The following THEMIS variants were observed in gnomAD, a reference collection of about 807,000 sequenced individuals.
THEMIS encodes the protein protein THEMIS.
A neutral mutation model predicts 52.6 loss-of-function variants in THEMIS; 37 were observed. That is an observed-to-expected ratio of 0.70 (90% confidence interval 0.54 to 0.93). THEMIS has a LOEUF of 0.93. Among genes scored for constraint, THEMIS ranks in the 40% least tolerant of loss-of-function variants. The pLI, the probability that THEMIS is intolerant of heterozygous loss-of-function variation, is 0.00. For missense variants in THEMIS, 808 were observed against 763.1 expected, an observed-to-expected ratio of 1.06 and a Z score of -0.69; for synonymous variants, 292 against 272.7, an observed-to-expected ratio of 1.07 and a Z score of -0.70.
chr6:127,732,006 A>ATT lies in THEMIS; in HGVS notation c.1759-12185_1759-12184dup, dbSNP rs60832949. ...CAAGCGTGAGCCACCTTGCCTGGCCATTTTTTTTTTTAACTCGTAAGAGTT... is the reference window on the plus strand; with the variant it reads ...CAAGCGTGAGCCACCTTGCCTGGCCATTTTTTTTTTTTTAACTCGTAAGAGTT... On this transcript the variant is annotated intron_variant, in intron 4 of 5. Transcript: ENST00000368248. 2.8e-3 allele frequency among the ~76,000 whole-genome samples: 395 copies of ATT among 142,188 alleles called. 1 individual carries two copies. The highest frequency in any genetic ancestry group is 9.4e-3 in the African/African-American group (364 of 38,800). The allele number at this position is 142,188 out of a possible 152,430, so 93.3% of individuals were successfully genotyped here.
intron 4 of THEMIS, among the ~76,000 whole-genome samples, chr6:127,731,728 C>A (rs1248547305): frequency 7.5e-6 from 1 of 133,626 alleles, no homozygotes; most frequent in Non-Finnish European, 1.5e-5. Flanking sequence ...GATGGAGTCT[C>A]GCTCTGTCGC....
intron 1 of THEMIS, among the ~76,000 whole-genome samples, chr6:127,908,717 C>T (rs1360079249): frequency 6.6e-6 from 1 of 152,052 alleles, no homozygotes; most frequent in Admixed American, 6.6e-5. Flanking sequence ...TAACATTTTC[C>T]TCTGACTTTT....
At chr6:127,888,918 A>T (rs545561428) in intron 1 of THEMIS, among the ~76,000 whole-genome samples, 1 of 152,192 alleles carries the variant, frequency 6.6e-6, no homozygotes, top group East Asian at 1.9e-4. Flanking sequence ...CTGGTTTTGA[A>T]TTTTTTGAAG....
intron 4 of THEMIS, among the ~76,000 whole-genome samples, chr6:127,790,343 T>A (rs940097939): frequency 2.5e-4 from 38 of 152,334 alleles, no homozygotes; most frequent in African/African-American, 8.9e-4. Context: ...ACACAATTGT[T>A]GAATGAAAAT....
At chr6:127,882,863 C>A (rs1232114155) in intron 1 of THEMIS, among the ~76,000 whole-genome samples, 1 of 151,794 alleles carries the variant, frequency 6.6e-6, no homozygotes, top group East Asian at 1.9e-4. Context: ...TTTATTTGAG[C>A]CCGAAAAAAT....
intron 2 of THEMIS, among the ~76,000 whole-genome samples, chr6:127,834,401 G>C (rs1477610434): frequency 3.8e-5 from 5 of 130,264 alleles, no homozygotes; most frequent in Non-Finnish European, 7.9e-5. Context: ...ATGAAACCCC[G>C]TCTCCACTAA....
Position 127,813,588 on chromosome 6 carries a change from C to T in THEMIS, c.1053G>A (p.Thr351=), listed in dbSNP as rs1778014125. The change falls in exon 4 of 6, where the codon ACG becomes ACA. Residue 351 remains threonine (T), a synonymous_variant. Transcript: ENST00000368248. ...KFKRRPREFP[T]AYDLEIAKSE... Reference sequence around the variant, plus strand: ...TCTTAGCGATCTCTAGGTCATAGGCCGTTGGGAACTCCCTCGGTCGCCGCT... The same window carrying T: ...TCTTAGCGATCTCTAGGTCATAGGCTGTTGGGAACTCCCTCGGTCGCCGCT... The T allele has an allele frequency of 1.2e-6, 2 of 1,614,028 alleles. No homozygotes were observed. The highest frequency in any genetic ancestry group is 4.5e-5 in the East Asian group (2 of 44,874).
intron 1 of THEMIS, among the ~76,000 whole-genome samples, chr6:127,878,076 T>G (rs1780368708): frequency 6.6e-6 from 1 of 152,198 alleles, no homozygotes; most frequent in Non-Finnish European, 1.5e-5. Flanking sequence ...ATGCTTTTGT[T>G]TCCTATTAAT....
intron 2 of THEMIS, among the ~76,000 whole-genome samples, chr6:127,831,076 T>C (rs1778686024): frequency 6.6e-6 from 1 of 152,194 alleles, no homozygotes; most frequent in African/African-American, 2.4e-5. Context: ...TATATGTCAA[T>C]TGTTCTTCTC....
chr6:127,800,948 A>G (rs1286629515), intron 4 of THEMIS, among the ~76,000 whole-genome samples: 1 of 152,190 alleles, frequency 6.6e-6, no homozygotes, highest in Non-Finnish European at 1.5e-5. Context: ...GTGGTTCTAG[A>G]GGAAGAGGAA....
chr6:127,851,648 C>T (rs940401715), intron 2 of THEMIS, among the ~76,000 whole-genome samples: 9 of 151,778 alleles, frequency 5.9e-5, no homozygotes, highest in Non-Finnish European at 7.4e-5. Flanking sequence ...ATACCATAGG[C>T]GTCTACTTAT....
chr6:127,798,865 G>A (rs1268936614), intron 4 of THEMIS, among the ~76,000 whole-genome samples: 3 of 151,442 alleles, frequency 2.0e-5, no homozygotes, highest in South Asian at 4.2e-4. Flanking sequence ...GGTGGCGGGC[G>A]CCTGTAGTCC....
intron 4 of THEMIS, among the ~76,000 whole-genome samples, chr6:127,720,169 C>T (rs1774315324): frequency 6.6e-6 from 1 of 151,850 alleles, no homozygotes; most frequent in Admixed American, 6.6e-5. Flanking sequence ...TCCAGCACTT[C>T]ATTATATATT....
chr6:127,761,463 T>C (rs1776018542), intron 4 of THEMIS, among the ~76,000 whole-genome samples: 1 of 152,176 alleles, frequency 6.6e-6, no homozygotes, highest in East Asian at 1.9e-4. Context: ...GAAGATAGAC[T>C]TGAACTTCAA....
intron 4 of THEMIS, among the ~76,000 whole-genome samples, chr6:127,746,325 T>C (rs957067460): frequency 6.6e-6 from 1 of 151,744 alleles, no homozygotes; most frequent in Non-Finnish European, 1.5e-5. Context: ...AATCAGGGAT[T>C]CTATACTACT....
chr6:127,813,478 T>C lies in THEMIS; in HGVS notation c.1163A>G (p.Gln388Arg). ...CGTCTCTGACTGATGCACCAGAAACTGGTCCCCAACAGATACGGATGACAG... is the reference window on the plus strand; with the variant it reads ...CGTCTCTGACTGATGCACCAGAAACCGGTCCCCAACAGATACGGATGACAG... Reference protein sequence around the residue: ...DKLSSVSVGDQFLVHQSETTE... With the variant: ...DKLSSVSVGDRFLVHQSETTE... Residue 388 changes from glutamine (Q) to arginine (R), a missense_variant, in exon 4 of 6, where the codon CAG becomes CGG. Coordinates refer to ENST00000368248, the MANE Select transcript of THEMIS (RefSeq NM_001010923.3). 3.1e-6 allele frequency: 5 copies of C among 1,614,050 alleles called. No homozygotes were observed. The highest frequency in any genetic ancestry group is 1.1e-5 in the South Asian group (1 of 91,068).
chr6:127,776,076 G>A (rs1166192714), intron 4 of THEMIS, among the ~76,000 whole-genome samples: 2 of 152,042 alleles, frequency 1.3e-5, no homozygotes, highest in Non-Finnish European at 2.9e-5. Flanking sequence ...GCCAAATAAC[G>A]GGGGACTTTT....
chr6:127,900,827 T>A lies in THEMIS; in HGVS notation c.91+15A>T, dbSNP rs2114504873. 1.2e-6 allele frequency: 2 copies of A among 1,604,740 alleles called. No individual in the cohort carries two copies. The highest frequency in any genetic ancestry group is 2.2e-5 in the South Asian group (2 of 90,854). On this transcript the variant is annotated intron_variant, in intron 1 of 5. Transcript: ENST00000368248. ...AAGAATGTTCTAGCCAGTAAAGGTA[T>A]TGGAGAGTGCTTACCTTCAAGATAG...
chr6:127,719,866 A>C (rs1161569846), intron 4 of THEMIS, 43 bp from the exon 5 acceptor site: 7 of 1,600,644 alleles, frequency 4.4e-6, no homozygotes, highest in African/African-American at 1.3e-5. Context: ...GTCCAAAATA[A>C]ATGCTTCATA....
Sources: gnomAD v4.1 joint callset for allele counts (sites outside exome capture counted in the v4.1 genomes callset) on GRCh38, gnomAD v4.1.1 for gene constraint, MANE v1.5 for transcripts, NCBI Gene and HGNC (gene_info 2026-07-23, HGNC 2026-07-21) for gene names.